Variants in CHN2 observed in about 807,000 individuals in gnomAD.
CHN2 encodes chimerin 2.
Under a neutral mutation model 56.3 loss-of-function variants are expected in CHN2, and 35 were observed. The ratio of observed to expected loss-of-function variants is 0.62; its 90% confidence interval spans 0.47 to 0.82. CHN2 has a LOEUF of 0.82. Among genes scored for constraint, CHN2 ranks in the 40% least tolerant of loss-of-function variants. The pLI, the probability that CHN2 is intolerant of heterozygous loss-of-function variation, is 0.00. For missense variants in CHN2, 491 were observed against 580.5 expected (o/e 0.85, Z 1.58); for synonymous variants, 210 against 212.8 (o/e 0.99, Z 0.12).
intron 6 of CHN2, 34 bp downstream of exon 6, chr7:29,400,862 T>C: frequency 6.2e-7 from 1 of 1,603,222 alleles, no homozygotes; most frequent in Non-Finnish European, 8.5e-7. Flanking sequence ...GCCTTTCGTT[T>C]TAATCCATGC....
In CHN2 at chr7:29,329,255, A is replaced by G. The variant is rs73301254; in HGVS notation, c.50-25370A>G. On this transcript the variant is annotated intron_variant, in intron 1 of 12. Transcript: ENST00000222792. ...CTACTGAGCTTGATCACGATTTGCT[A>G]TGCACTACAGTGAAATGAAATAGTA... is the stretch of plus-strand genomic sequence containing the variant. Among the ~76,000 whole-genome samples, 541 of 152,094 alleles carry G rather than the reference A, an allele frequency of 3.6e-3. 2 individuals are homozygous for G. The highest frequency in any genetic ancestry group is 0.012 in the African/African-American group (510 of 41,510).
chr7:29,409,225 C>A (rs1802955963), intron 6 of CHN2, among the ~76,000 whole-genome samples: 1 of 152,160 alleles, frequency 6.6e-6, no homozygotes, highest in Non-Finnish European at 1.5e-5. Context: ...GCTCAAACTT[C>A]TCGGCCTCAG....
At chr7:29,309,429 A>T (rs1190571918) in intron 1 of CHN2, among the ~76,000 whole-genome samples, 3 of 152,134 alleles carry the variant, frequency 2.0e-5, no homozygotes, top group Non-Finnish European at 4.4e-5. Flanking sequence ...AGGACAAAGC[A>T]TTTGGCTCCT....
rs953845790 is a variant in CHN2, at chr7:29,378,106, G to T, written c.144+10119G>T. Among the ~76,000 whole-genome samples, 5 of 152,314 alleles carry T rather than the reference G, an allele frequency of 3.3e-5. No individual in the cohort carries two copies. The South Asian group carries it at 6.2e-4, about 19-fold the overall frequency. ...GGGTTCCATGGCTTCTCAAAGACCA[G>T]GCTTAATGATGTTTCATCAACACCT... is the stretch of plus-strand genomic sequence containing the variant. On this transcript the variant is annotated intron_variant, in intron 3 of 12. Coordinates refer to ENST00000222792, the MANE Select transcript of CHN2 (RefSeq NM_004067.4).
intron 3 of CHN2, among the ~76,000 whole-genome samples, chr7:29,371,325 C>A (rs533282708): frequency 6.6e-6 from 1 of 152,148 alleles, no homozygotes; most frequent in Non-Finnish European, 1.5e-5. Flanking sequence ...ACAGCTCTGG[C>A]GCCAATTAAG....
At chr7:29,450,814 C>A (rs1314359669) in intron 6 of CHN2, among the ~76,000 whole-genome samples, 2 of 151,698 alleles carry the variant, frequency 1.3e-5, no homozygotes, top group Admixed American at 1.3e-4. Flanking sequence ...GCCCTGTTGG[C>A]AGGCTGGTGT....
chr7:29,293,313 G>T (rs1792798793), intron 1 of CHN2, among the ~76,000 whole-genome samples: 1 of 150,094 alleles, frequency 6.7e-6, no homozygotes, highest in African/African-American at 2.5e-5. Flanking sequence ...AGGACTGTCG[G>T]GCTTTGACCC....
intron 1 of CHN2, chr7:29,293,036 C>T (rs1562895303): frequency 1.3e-5 from 6 of 456,110 alleles, no homozygotes; most frequent in Non-Finnish European, 8.8e-6. Context: ...TCATCTTCCT[C>T]ACCTGCCACA....
chr7:29,295,427 A>G (rs1204226821), intron 1 of CHN2, among the ~76,000 whole-genome samples: 1 of 151,886 alleles, frequency 6.6e-6, no homozygotes, highest in Non-Finnish European at 1.5e-5. Context: ...TGGACACTAA[A>G]GGCACTCAGA....
At chr7:29,334,539 G>C (rs1585087549) in intron 1 of CHN2, 2 of 150,860 alleles carry the variant, frequency 1.3e-5, no homozygotes, top group East Asian at 3.9e-4. Flanking sequence ...TGGATCGCTT[G>C]AGCCCAGGAG....
At position 29,224,244 on chromosome 7, in the gene CHN2, G is replaced by A. The variant is rs561491088; in HGVS notation, c.49+29254G>A. ...TATAGTTCCTTTTTCCTCCAGAAAT[G>A]TTCCAATTATGAAAAATTATGAAAC... On this transcript the variant is annotated intron_variant, in intron 1 of 12. Transcript: ENST00000222792. Among the ~76,000 whole-genome samples, 11 of 152,252 alleles carry A rather than the reference G, an allele frequency of 7.2e-5. No individual in the cohort carries two copies. In the South Asian group the frequency reaches 2.3e-3, roughly 32 times the overall value.
intron 1 of CHN2, among the ~76,000 whole-genome samples, chr7:29,236,125 G>C (rs1481127836): frequency 1.3e-5 from 2 of 152,200 alleles, no homozygotes; most frequent in African/African-American, 4.8e-5. Flanking sequence ...CTAGCAAATA[G>C]GTTTATCAGA....
chr7:29,297,324 C>T (rs757353055), intron 1 of CHN2, among the ~76,000 whole-genome samples: 1 of 152,174 alleles, frequency 6.6e-6, no homozygotes, highest in African/African-American at 2.4e-5. Flanking sequence ...CTGTCTCATT[C>T]TCCGCTCTGA....
chr7:29,257,844 G>C (rs1267878481), intron 1 of CHN2, among the ~76,000 whole-genome samples: 2 of 152,152 alleles, frequency 1.3e-5, no homozygotes, highest in Non-Finnish European at 2.9e-5. Context: ...CTGGAGTGCA[G>C]TGGTGTGATC....
intron 6 of CHN2, among the ~76,000 whole-genome samples, chr7:29,408,563 C>T (rs1802878307): frequency 1.3e-5 from 2 of 152,190 alleles, no homozygotes. Context: ...GCTACAGTTA[C>T]CTGTGCTGGT....
At chr7:29,480,127 T>C (rs1786998061) in intron 6 of CHN2, 152 bp from the exon 7 acceptor site, 1 of 1,556,266 alleles carries the variant, frequency 6.4e-7, no homozygotes, top group Non-Finnish European at 8.7e-7. Flanking sequence ...TCTGAAGAAC[T>C]GTGGCTGGAA....
At chr7:29,206,360 C>A (rs1784518156) in intron 1 of CHN2, among the ~76,000 whole-genome samples, 1 of 152,156 alleles carries the variant, frequency 6.6e-6, no homozygotes, top group South Asian at 2.1e-4. Flanking sequence ...TAGCTCACTG[C>A]ACCCTGCGCT....
intron 3 of CHN2, among the ~76,000 whole-genome samples, chr7:29,384,923 C>T (rs528926372): frequency 6.6e-6 from 1 of 152,224 alleles, no homozygotes; most frequent in South Asian, 2.1e-4. Context: ...GTGTGGAGTC[C>T]CATAGCAGTA....
chr7:29,184,991 C>G (rs984154624), intron 2 of CHN2, among the ~76,000 whole-genome samples: 3 of 152,150 alleles, frequency 2.0e-5, no homozygotes, highest in African/African-American at 7.2e-5. Context: ...GTAGATGTCT[C>G]TAAGTGCATT....
Sources: allele counts gnomAD v4.1 joint callset (sites outside exome capture counted in the v4.1 genomes callset), GRCh38; gene constraint gnomAD v4.1.1; transcripts MANE v1.5; gene names NCBI Gene and HGNC (gene_info 2026-07-23, HGNC 2026-07-21).